Variants in PTPRU observed in about 807,000 individuals in gnomAD.
PTPRU encodes the protein receptor-type tyrosine-protein phosphatase U.
Under a neutral mutation model 166.3 loss-of-function variants are expected in PTPRU, and 69 were observed. The observed-to-expected ratio is 0.41, with a 90% CI of 0.34 to 0.51. The LOEUF (loss-of-function observed/expected upper bound fraction) is 0.51. PTPRU is among the 20% of genes least tolerant of loss of function. The pLI is 0.09. For synonymous variants in PTPRU, 793 were observed against 814.0 expected (o/e 0.97, Z 0.44); for missense variants, 1,657 against 2,013.7 (o/e 0.82, Z 3.39).
At chr1:29,256,247 C>T (rs1684766993) in intron 2 of PTPRU, among the ~76,000 whole-genome samples, 1 of 152,150 alleles carries the variant, frequency 6.6e-6, no homozygotes, top group African/African-American at 2.4e-5. Flanking sequence ...ATTACTAGTA[C>T]TGCTCTTCAC....
intron 8 of PTPRU, among the ~76,000 whole-genome samples, chr1:29,276,311 G>A (rs150201189): frequency 1.3e-5 from 2 of 151,510 alleles, no homozygotes; most frequent in East Asian, 1.9e-4. Flanking sequence ...GCACCACCAC[G>A]CCAAGCTAGT....
At position 29,325,991 on chromosome 1, in the gene PTPRU, GCCC is replaced by G; in HGVS notation, c.*332_*334del. ...GCTGGCTCTGGGGGACTCAGGCCAA[GCCC>G]CTTGGCACCATCCTGGCTTTTGGCA... On this transcript the variant is annotated 3_prime_UTR_variant, in exon 30 of 30. Transcript: ENST00000373779. 3.7e-5 allele frequency: 16 copies of G among 434,274 alleles called. No individual in the cohort carries two copies. Among genetic ancestry groups the G allele is most frequent in the South Asian group, 8.3e-5 (1 of 12,112 alleles). The allele number at this position is 434,274 out of a possible 1,614,324, so 26.9% of individuals were successfully genotyped here. A position where few individuals can be genotyped will look rare whatever the true frequency, so the allele number is the denominator to read the frequency against.
At chr1:29,287,925 T>C (rs1686435171) in intron 14 of PTPRU, among the ~76,000 whole-genome samples, 1 of 152,156 alleles carries the variant, frequency 6.6e-6, no homozygotes, top group Admixed American at 6.5e-5. Flanking sequence ...GTGATTCTCC[T>C]GCCTCAGCCT....
At chr1:29,272,399 G>T (rs1422849184) in intron 7 of PTPRU, among the ~76,000 whole-genome samples, 2 of 152,250 alleles carry the variant, frequency 1.3e-5, no homozygotes, top group Admixed American at 1.3e-4. Context: ...CTCTTCGATG[G>T]CTCCATGTAT....
intron 12 of PTPRU, 59 bp from the exon 13 acceptor site, chr1:29,283,881 C>T: frequency 6.2e-7 from 1 of 1,605,142 alleles, no homozygotes; most frequent in Non-Finnish European, 8.5e-7. Flanking sequence ...GAGGTTCCCA[C>T]CCTGGGGAGG....
intron 1 of PTPRU, among the ~76,000 whole-genome samples, chr1:29,241,482 G>A (rs144522572): frequency 6.6e-6 from 1 of 152,172 alleles, no homozygotes; most frequent in East Asian, 1.9e-4. Context: ...GTATCTGAGG[G>A]TGGGGGTATC....
chr1:29,289,163 G>A (rs1686501524), intron 14 of PTPRU, among the ~76,000 whole-genome samples: 1 of 152,150 alleles, frequency 6.6e-6, no homozygotes, highest in South Asian at 2.1e-4. Context: ...AACAGCCCTG[G>A]TAAGCACAGT....
Position 29,323,516 on chromosome 1 carries a change from C to T in PTPRU, c.3954+20C>T, listed in dbSNP as rs1262962860. ...TCTCGGGTGAGTGGTCTGAGGAGCC[C>T]CAGGGAAGGACCCTGGGTGGTGGCT... On this transcript the variant is annotated intron_variant, in intron 27 of 29. Transcript: ENST00000373779. 1.2e-6 allele frequency: 2 copies of T among 1,611,764 alleles called. No individual in the cohort carries two copies. Among genetic ancestry groups the T allele is most frequent in the Non-Finnish European group, 1.7e-6 (2 of 1,179,100 alleles).
chr1:29,279,644 C>A lies in PTPRU; in HGVS notation c.1752C>A (p.Thr584=). 6.2e-7 allele frequency: 1 copy of A among 1,611,936 alleles called. No homozygotes were observed. Among genetic ancestry groups the A allele is most frequent in the Non-Finnish European group, 8.5e-7 (1 of 1,180,016 alleles). ...GFGQAALTEI[T]TNISAPSFDY... is the part of the protein sequence containing the mutation. Reference sequence around the variant, plus strand: ...GCCAGGCGGCACTCACTGAGATAACCACTAACATCTCTGGTGAGCCCCACC... The same window carrying A: ...GCCAGGCGGCACTCACTGAGATAACAACTAACATCTCTGGTGAGCCCCACC... Residue 584 remains threonine, a synonymous_variant, in exon 10 of 30, where the codon ACC becomes ACA. Coordinates refer to ENST00000373779, the MANE Select transcript of PTPRU (RefSeq NM_133178.4). The surrounding 1 kb of genome is among the most constrained non-coding windows in gnomAD (Gnocchi z 5.2).
Position 29,311,562 on chromosome 1 carries a change from G to A in PTPRU, c.2955+9G>A. 6.2e-7 allele frequency: 1 copy of A among 1,614,222 alleles called. No homozygotes were observed. Among genetic ancestry groups the A allele is most frequent in the African/African-American group, 1.3e-5 (1 of 75,064 alleles). On this transcript the variant is annotated intron_variant, in intron 20 of 29. Transcript: ENST00000373779. This position sits in a 1 kb window ranked among gnomAD's most constrained non-coding sequence, Gnocchi z 4.1. The stretch of plus-strand genomic sequence containing the variant: ...TGGTCGAGGTGGGCAGGGTAAGCCG[G>A]GCTGTGGGGCGAGCTGGGGCGCATG...
Position 29,282,661 on chromosome 1 carries a change from C to T in PTPRU, c.1869-15C>T. ...GGCCGCCTGTGATCCCCTGTACGCT[C>T]TCCTCCCTGTCCAGTGTGTACCAGG... On this transcript the variant is annotated splice_polypyrimidine_tract_variant and intron_variant, in intron 11 of 29. Transcript: ENST00000373779. 1.2e-6 allele frequency: 2 copies of T among 1,609,450 alleles called. No homozygotes were observed. Among genetic ancestry groups the T allele is most frequent in the Non-Finnish European group, 1.7e-6 (2 of 1,178,580 alleles).
intron 25 of PTPRU, among the ~76,000 whole-genome samples, chr1:29,319,475 T>C (rs1356827894): frequency 6.6e-6 from 1 of 152,164 alleles, no homozygotes; most frequent in Non-Finnish European, 1.5e-5. Context: ...GGAGGCCCCA[T>C]TTCTCAGACA....
At position 29,282,746 on chromosome 1, in the gene PTPRU, T is replaced by C; in HGVS notation, c.1939T>C (p.Phe647Leu). 6.2e-7 allele frequency: 1 copy of C among 1,613,978 alleles called. No individual in the cohort carries two copies. The highest frequency in any genetic ancestry group is 8.5e-7 in the Non-Finnish European group (1 of 1,179,994). ...LRREPGGQDC[F>L]PVPLTFEAAL... ...GCGGGAGCCAGGTGGACAGGACTGCTTCCCAGTGCCATTGACCTTCGAGGC... is the reference window on the plus strand; with the variant it reads ...GCGGGAGCCAGGTGGACAGGACTGCCTCCCAGTGCCATTGACCTTCGAGGC... The change falls in exon 12 of 30, where the codon TTC becomes CTC. Residue 647 changes from phenylalanine to leucine, a missense_variant. Phe to Leu is a conservative substitution (Grantham distance 22, BLOSUM62 0). Transcript: ENST00000373779.
intron 15 of PTPRU, among the ~76,000 whole-genome samples, chr1:29,298,345 A>G (rs1012641641): frequency 1.3e-5 from 2 of 150,964 alleles, no homozygotes; most frequent in African/African-American, 4.9e-5. Flanking sequence ...CTCTCTCTTT[A>G]TTCTTCTCTG....
In PTPRU at chr1:29,320,821, C is replaced by A; in HGVS notation, c.3824C>A (p.Ala1275Asp). ...MLNQLNQSNS[A>D]WPCLQYWPEP... ...AACCAGCTGAACCAGTCCAACTCCG[C>A]CTGGGTGAGGCCTCCACTGGCCAGG... The change falls in exon 26 of 30, where the codon GCC becomes GAC. Residue 1275 changes from alanine to aspartate, a missense_variant. This residue lies in a region of PTPRU where 1,190 missense variants were observed against 1,477.4 expected (regional missense o/e 0.81). Transcript: ENST00000373779. This position sits in a 1 kb window ranked among gnomAD's most constrained non-coding sequence, Gnocchi z 5.2. 1 of 1,577,144 alleles carries A rather than the reference C, an allele frequency of 6.3e-7. No individual in the cohort carries two copies. The highest frequency in any genetic ancestry group is 1.1e-5 in the South Asian group (1 of 87,254).
chr1:29,302,145 A>ATGTGTGTGTGTG (rs1345978784), intron 15 of PTPRU, among the ~76,000 whole-genome samples: 2 of 138,474 alleles, frequency 1.4e-5, no homozygotes, highest in African/African-American at 6.0e-5. Context: ...GCCTAGGCTA[A>ATGTGTGTGTGTG]TGTGTATGTG....
At chr1:29,283,016 T>C (rs925511950) in intron 12 of PTPRU, 67 bp downstream of exon 12, 5 of 1,578,476 alleles carry the variant, frequency 3.2e-6, no homozygotes, top group Non-Finnish European at 3.4e-6. Context: ...AGGAGATACC[T>C]TGGAGCAGGC....
intron 4 of PTPRU, 41 bp downstream of exon 4, chr1:29,259,383 G>C: frequency 6.2e-7 from 1 of 1,610,178 alleles, no homozygotes; most frequent in Non-Finnish European, 8.5e-7. Flanking sequence ...TAAGGGGTGT[G>C]GGCGGCCGCG....
At chr1:29,282,180 G>T (rs1686109022) in intron 11 of PTPRU, among the ~76,000 whole-genome samples, 1 of 152,198 alleles carries the variant, frequency 6.6e-6, no homozygotes, top group Non-Finnish European at 1.5e-5. Context: ...ATAGCACAGG[G>T]CTCATAGTCT....
Sources: gnomAD v4.1 joint callset for allele counts (sites outside exome capture counted in the v4.1 genomes callset) on GRCh38, gnomAD v4.1.1 for gene constraint, gnomAD v4.1.1 regional missense constraint, Gnocchi (gnomAD v3.1) non-coding constraint, MANE v1.5 for transcripts, NCBI Gene and HGNC (gene_info 2026-07-23, HGNC 2026-07-21) for gene names.